Variants in IMMP2L observed in about 807,000 individuals in gnomAD.
IMMP2L encodes mitochondrial inner membrane protease subunit 2.
IMMP2L carries 18 observed loss-of-function variants against 19.3 expected under a neutral mutation model. That is an observed-to-expected ratio of 0.93 (90% CI 0.64 to 1.38). IMMP2L has a LOEUF of 1.38. IMMP2L is among the 40% of genes most tolerant of loss of function. The probability of loss-of-function intolerance (pLI) is 0.00; values close to 1 mark genes in which losing one functional copy is unlikely to be tolerated. For synonymous variants in IMMP2L, 76 were observed against 73.0 expected, an observed-to-expected ratio of 1.04 and a Z score of -0.21; for missense variants, 233 against 218.2, an observed-to-expected ratio of 1.07 and a Z score of -0.43.
chr7:110,863,008 G>A (rs1807609133), intron 5 of IMMP2L, among the ~76,000 whole-genome samples: 1 of 152,032 alleles, frequency 6.6e-6, no homozygotes, highest in African/African-American at 2.4e-5. Flanking sequence ...GGGGATCGGA[G>A]AACCAGCACA....
At chr7:110,775,693 TG>T (rs1327535736) in intron 5 of IMMP2L, among the ~76,000 whole-genome samples, 2 of 152,096 alleles carry the variant, frequency 1.3e-5, no homozygotes, top group African/African-American at 4.8e-5. Context: ...AAATATGTTT[TG>T]TTTTTGCTAC....
chr7:110,716,209 T>C (rs1333553119), intron 5 of IMMP2L, among the ~76,000 whole-genome samples: 2 of 151,954 alleles, frequency 1.3e-5, no homozygotes, highest in Non-Finnish European at 2.9e-5. Context: ...GAGATGGGTC[T>C]CTTGAAGAGA....
chr7:111,096,480 A>G (rs2129578857), intron 3 of IMMP2L, among the ~76,000 whole-genome samples: 1 of 149,732 alleles, frequency 6.7e-6, no homozygotes, highest in African/African-American at 2.4e-5. Context: ...AATTTAAATC[A>G]CAGCTATTGC....
chr7:111,047,615 T>C (rs145740634), intron 3 of IMMP2L, among the ~76,000 whole-genome samples: 157 of 152,338 alleles, frequency 1.0e-3, no homozygotes, highest in African/African-American at 3.5e-3. Context: ...TCACCGTATG[T>C]ACTCCCTTCA....
At chr7:111,405,763 A>G (rs1328718367) in intron 3 of IMMP2L, among the ~76,000 whole-genome samples, 1 of 152,010 alleles carries the variant, frequency 6.6e-6, no homozygotes, top group African/African-American at 2.4e-5. Context: ...GTCTTTCTCT[A>G]TTCACTGTCT....
At chr7:110,783,166 T>A (rs972717660) in intron 5 of IMMP2L, among the ~76,000 whole-genome samples, 1 of 151,862 alleles carries the variant, frequency 6.6e-6, no homozygotes, top group Non-Finnish European at 1.5e-5. Context: ...TCAGGGACCA[T>A]ACAGAATAGG....
At chr7:111,160,087 TC>T (rs1805086772) in intron 3 of IMMP2L, among the ~76,000 whole-genome samples, 1 of 152,088 alleles carries the variant, frequency 6.6e-6, no homozygotes, top group African/African-American at 2.4e-5. Context: ...TTAAAACTGA[TC>T]AGTGATGAGA....
At chr7:111,082,997 A>G (rs985118995) in intron 3 of IMMP2L, among the ~76,000 whole-genome samples, 1 of 152,150 alleles carries the variant, frequency 6.6e-6, no homozygotes, top group African/African-American at 2.4e-5. Context: ...AGTTTTCTGC[A>G]TAACAATCAT....
intron 4 of IMMP2L, among the ~76,000 whole-genome samples, chr7:110,905,520 C>A (rs1425398007): frequency 1.3e-5 from 2 of 151,582 alleles, no homozygotes; most frequent in African/African-American, 4.8e-5. Context: ...GGGAGGTCTG[C>A]AAAAATTTTA....
chr7:110,674,908 C>T (rs903941399), intron 5 of IMMP2L, among the ~76,000 whole-genome samples: 11 of 152,158 alleles, frequency 7.2e-5, no homozygotes, highest in Middle Eastern at 3.4e-3. Flanking sequence ...TCCTTAGATC[C>T]CTGGATCTCT....
chr7:110,860,519 A>T (rs115519236), intron 5 of IMMP2L, among the ~76,000 whole-genome samples: 1 of 152,064 alleles, frequency 6.6e-6, no homozygotes. Flanking sequence ...AAAATGTCTT[A>T]TTCTCTGCAA....
intron 2 of IMMP2L, among the ~76,000 whole-genome samples, chr7:111,507,171 T>C (rs920594421): frequency 2.0e-5 from 3 of 152,204 alleles, no homozygotes; most frequent in Non-Finnish European, 1.5e-5. Flanking sequence ...CTTCCAGTCC[T>C]GATTTGATCT....
chr7:110,698,029 T>TA (rs1794007920), intron 5 of IMMP2L, among the ~76,000 whole-genome samples: 1 of 152,314 alleles, frequency 6.6e-6, no homozygotes, highest in African/African-American at 2.4e-5. Context: ...ACATTCATTA[T>TA]AAAAAATTGT....
chr7:111,069,625 T>C (rs941919960), intron 3 of IMMP2L, among the ~76,000 whole-genome samples: 1 of 152,150 alleles, frequency 6.6e-6, no homozygotes, highest in Non-Finnish European at 1.5e-5. Flanking sequence ...TAGATATACA[T>C]GTAGATACAC....
At chr7:111,519,623 G>A (rs1362066319) in intron 2 of IMMP2L, among the ~76,000 whole-genome samples, 1 of 152,016 alleles carries the variant, frequency 6.6e-6, no homozygotes, top group Non-Finnish European at 1.5e-5. Context: ...CCTTTCATAA[G>A]GCAGTCAAGG....
chr7:111,135,466 A>T (rs1236799692), intron 3 of IMMP2L, among the ~76,000 whole-genome samples: 2 of 152,128 alleles, frequency 1.3e-5, no homozygotes, highest in South Asian at 2.1e-4. Context: ...TGTCTTTCTT[A>T]GAAGTGATGG....
intron 3 of IMMP2L, among the ~76,000 whole-genome samples, chr7:111,340,525 C>G (rs1257267386): frequency 1.3e-5 from 2 of 151,954 alleles, no homozygotes; most frequent in African/African-American, 4.8e-5. Context: ...CATAATAGAA[C>G]CACTTTGGAG....
At position 110,817,908 on chromosome 7, in the gene IMMP2L, G is replaced by A. The variant is rs534058144; in HGVS notation, c.408+68685C>T. The stretch of plus-strand genomic sequence containing the variant: ...ATGGTGCTGCGAAAACTGGCTAGCT[G>A]TATGTAGAAAGCTGAAACTGGATCC... On this transcript the variant is annotated intron_variant, in intron 5 of 5. Coordinates refer to ENST00000405709, the MANE Select transcript of IMMP2L (RefSeq NM_032549.4). Among the ~76,000 whole-genome samples, 30 of 152,152 alleles carry A rather than the reference G, an allele frequency of 2.0e-4. 2 individuals carry two copies. In the South Asian group the frequency reaches 5.2e-3, roughly 26 times the overall value.
intron 3 of IMMP2L, among the ~76,000 whole-genome samples, chr7:111,447,137 G>A (rs917456765): frequency 6.8e-6 from 1 of 146,904 alleles, no homozygotes; most frequent in Non-Finnish European, 1.5e-5. Flanking sequence ...CACTCTGCAG[G>A]ATATTATCCA....
Sources: allele counts gnomAD v4.1 joint callset (sites outside exome capture counted in the v4.1 genomes callset), GRCh38; gene constraint gnomAD v4.1.1; transcripts MANE v1.5; gene names NCBI Gene and HGNC (gene_info 2026-07-23, HGNC 2026-07-21).